Variants in SPON1 observed in about 807,000 individuals in gnomAD.
SPON1 encodes the protein spondin-1.
A neutral mutation model predicts 111.7 loss-of-function variants in SPON1; 52 were observed. The observed-to-expected ratio is 0.47, with a 90% CI of 0.37 to 0.59. The LOEUF is 0.59. Among genes scored for constraint, SPON1 ranks in the 20% least tolerant of loss-of-function variants. The pLI is 0.00. For missense variants in SPON1, 957 were observed against 1,068.5 expected, an observed-to-expected ratio of 0.90 and a Z score of 1.46; for synonymous variants, 410 against 395.8, an observed-to-expected ratio of 1.04 and a Z score of -0.43.
At chr11:14,011,320 T>C (rs1848402770) in intron 2 of SPON1, among the ~76,000 whole-genome samples, 1 of 152,200 alleles carries the variant, frequency 6.6e-6, no homozygotes, top group Non-Finnish European at 1.5e-5. Context: ...TGTTGGACAA[T>C]TTTTCAGGTA....
intron 5 of SPON1, among the ~76,000 whole-genome samples, chr11:14,091,255 G>C (rs1396799686): frequency 6.6e-6 from 1 of 152,244 alleles, no homozygotes; most frequent in African/African-American, 2.4e-5. Flanking sequence ...CAGGAGCCCA[G>C]CTGACTTCAC....
Position 14,206,717 on chromosome 11 carries a change from C to T in SPON1, c.826-36615C>T, listed in dbSNP as rs1328509014. On this transcript the variant is annotated intron_variant, in intron 6 of 15. Transcript: ENST00000576479. Reference sequence around the variant, plus strand: ...CTACAAGGATAACTACAAAATACTACTCAAAGAAATCACAGATGACACAAA... The same window carrying T: ...CTACAAGGATAACTACAAAATACTATTCAAAGAAATCACAGATGACACAAA... 2.0e-5 allele frequency among the ~76,000 whole-genome samples: 3 copies of T among 152,242 alleles called. No homozygotes were observed. In the East Asian group the frequency reaches 5.8e-4, roughly 29 times the overall value.
intron 6 of SPON1, among the ~76,000 whole-genome samples, chr11:14,185,307 A>G (rs1238225590): frequency 1.3e-5 from 2 of 152,284 alleles, no homozygotes; most frequent in Non-Finnish European, 2.9e-5. Flanking sequence ...AGGTTTGCCC[A>G]TAGCATATCC....
intron 6 of SPON1, among the ~76,000 whole-genome samples, chr11:14,196,187 A>C (rs1454131547): frequency 1.3e-5 from 2 of 152,096 alleles, no homozygotes; most frequent in Non-Finnish European, 2.9e-5. Context: ...AGGGGGAGAG[A>C]AGATGGGGGT....
intron 6 of SPON1, among the ~76,000 whole-genome samples, chr11:14,216,778 C>T (rs181847978): frequency 3.8e-4 from 58 of 152,316 alleles, no homozygotes; most frequent in African/African-American, 1.3e-3. Flanking sequence ...CACCTCCCAA[C>T]AAGGTTGCAT....
chr11:14,265,086 A>G (rs1228539373), intron 15 of SPON1, among the ~76,000 whole-genome samples: 1 of 152,178 alleles, frequency 6.6e-6, no homozygotes, highest in Non-Finnish European at 1.5e-5. Context: ...GGCTACTACT[A>G]GCTGGTGGCA....
At chr11:13,976,425 TAG>T (rs1218726022) in intron 1 of SPON1, among the ~76,000 whole-genome samples, 3 of 152,208 alleles carry the variant, frequency 2.0e-5, no homozygotes, top group African/African-American at 7.2e-5. Flanking sequence ...TCTGGAAAGA[TAG>T]AGTCTCCTCT....
intron 2 of SPON1, among the ~76,000 whole-genome samples, chr11:13,986,771 T>G (rs963933045): frequency 2.6e-5 from 4 of 151,652 alleles, no homozygotes; most frequent in Admixed American, 6.6e-5. Context: ...TGTCCACGTG[T>G]TCTCATTGTT....
At chr11:14,233,998 G>A (rs1486472863) in intron 6 of SPON1, among the ~76,000 whole-genome samples, 2 of 152,136 alleles carry the variant, frequency 1.3e-5, no homozygotes, top group African/African-American at 4.8e-5. Flanking sequence ...GACCTCAGGT[G>A]ATCCATCAAC....
At chr11:14,064,602 G>T (rs777841047) in intron 3 of SPON1, among the ~76,000 whole-genome samples, 1 of 152,194 alleles carries the variant, frequency 6.6e-6, no homozygotes, top group African/African-American at 2.4e-5. Context: ...AGCGAGAGAG[G>T]AGCCTTTGTT....
chr11:14,180,470 C>T (rs1848225601), intron 6 of SPON1, among the ~76,000 whole-genome samples: 1 of 152,206 alleles, frequency 6.6e-6, no homozygotes. Context: ...GTTCCTTCCA[C>T]TTGCAATGCC....
intron 6 of SPON1, among the ~76,000 whole-genome samples, chr11:14,188,096 C>T (rs191765523): frequency 3.6e-4 from 55 of 152,156 alleles, no homozygotes; most frequent in Middle Eastern, 3.4e-3. Context: ...TTTTAGCAGA[C>T]GGGGTTTCAG....
chr11:14,064,916 T>C (rs1458719183), intron 3 of SPON1, among the ~76,000 whole-genome samples: 3 of 152,076 alleles, frequency 2.0e-5, no homozygotes, highest in Non-Finnish European at 4.4e-5. Flanking sequence ...AATCAAGGCT[T>C]CTACTTTAGA....
Position 14,160,391 on chromosome 11 carries a change from T to A in SPON1, c.825+24823T>A, listed in dbSNP as rs1432209861. Among the ~76,000 whole-genome samples, 170 of 36,036 alleles carry A rather than the reference T, an allele frequency of 4.7e-3. 4 individuals are homozygous for A. Among genetic ancestry groups the A allele is most frequent in the African/African-American group, 0.017 (166 of 9,966 alleles). 23.6% of individuals were successfully genotyped at this position (36,036 alleles called of 152,430 possible). On this transcript the variant is annotated intron_variant, in intron 6 of 15. Coordinates refer to ENST00000576479, the MANE Select transcript of SPON1 (RefSeq NM_006108.4). The stretch of plus-strand genomic sequence containing the variant: ...TGTGCTCAGAACACTTACATTATTT[T>A]TATATATATATTTATATATATATAT...
At chr11:14,023,812 A>T (rs1011737254) in intron 2 of SPON1, among the ~76,000 whole-genome samples, 5 of 152,244 alleles carry the variant, frequency 3.3e-5, no homozygotes, top group African/African-American at 1.2e-4. Context: ...GACCGGCCTG[A>T]CCAACATGGT....
chr11:14,074,316 C>T (rs1554921193), intron 3 of SPON1, among the ~76,000 whole-genome samples: 1 of 152,188 alleles, frequency 6.6e-6, no homozygotes, highest in African/African-American at 2.4e-5. Context: ...GTCATCCTGG[C>T]CTAGGCCCAG....
chr11:14,087,240 G>T (rs1404122528), intron 5 of SPON1, among the ~76,000 whole-genome samples: 1 of 152,030 alleles, frequency 6.6e-6, no homozygotes, highest in Admixed American at 6.6e-5. Flanking sequence ...TGATGTTAGG[G>T]TATCGATTTT....
intron 4 of SPON1, among the ~76,000 whole-genome samples, chr11:14,079,513 T>C (rs1312885329): frequency 6.6e-6 from 1 of 152,104 alleles, no homozygotes; most frequent in Non-Finnish European, 1.5e-5. Flanking sequence ...GTATTCCTCC[T>C]AAAATTTGTT....
Position 14,259,429 on chromosome 11 carries a change from T to TGC in SPON1, c.1643_1644dup (p.Thr549AlafsTer13). The stretch of plus-strand genomic sequence containing the variant: ...GCTGCCCACTGAGGAAACGGAGAAG[T>TGC]GCACGGTCAACGAGGAGTGCTGTGA... On this transcript the variant is annotated frameshift_variant, in exon 12 of 16. Coordinates refer to ENST00000576479, the MANE Select transcript of SPON1 (RefSeq NM_006108.4). LOFTEE classifies it high-confidence loss of function. This position sits in a 1 kb window ranked among gnomAD's most constrained non-coding sequence, Gnocchi z 5.0. The TGC allele has an allele frequency of 1.2e-6, 2 of 1,609,828 alleles. No individual in the cohort carries two copies. Among genetic ancestry groups the TGC allele is most frequent in the Non-Finnish European group, 1.7e-6 (2 of 1,178,468 alleles).
Sources: allele counts gnomAD v4.1 joint callset (sites outside exome capture counted in the v4.1 genomes callset), GRCh38; gene constraint gnomAD v4.1.1; non-coding constraint Gnocchi (gnomAD v3.1); transcripts MANE v1.5; gene names NCBI Gene and HGNC (gene_info 2026-07-23, HGNC 2026-07-21).